Variants in PARG observed in about 807,000 individuals in gnomAD.
The protein encoded by PARG is mitochondrial poly(ADP-ribose) glycohydrolase.
Under a neutral mutation model 113.0 loss-of-function variants are expected in PARG, and 35 were observed. That is an observed-to-expected ratio of 0.31 (90% CI 0.24 to 0.41). The LOEUF (loss-of-function observed/expected upper bound fraction) is 0.41, where lower values mean the gene tolerates loss of function less well. PARG is among the 10% of genes least tolerant of loss of function. The probability of loss-of-function intolerance (pLI) is 1.00; values close to 1 mark genes in which losing one functional copy is unlikely to be tolerated. For missense variants in PARG, 797 were observed against 1,169.4 expected, an observed-to-expected ratio of 0.68 and a Z score of 4.64; for synonymous variants, 330 against 409.9, an observed-to-expected ratio of 0.81 and a Z score of 2.36.
chr10:49,827,688 C>T (rs1554829607), intron 16 of PARG, among the ~76,000 whole-genome samples: 1 of 152,126 alleles, frequency 6.6e-6, no homozygotes, highest in East Asian at 1.9e-4. Flanking sequence ...GAAGAAGGAA[C>T]ATTAAAGTAG....
rs1330389363 is a variant in PARG at position 49,941,944 on chromosome 10, TGC to T, written c.-221_-220del. ...TCCACTGGCACCCCACCTGCCTCAA[TGC>T]GCCGCTTTGATTCGGGATTCGTTCA... On this transcript the variant is annotated 5_prime_UTR_variant, in exon 1 of 18. Coordinates refer to ENST00000616448, the MANE Select transcript of PARG (RefSeq NM_003631.5). 1.3e-5 allele frequency: 12 copies of T among 947,248 alleles called. No individual in the cohort carries two copies. In the African/African-American group the frequency reaches 1.9e-4, roughly 15 times the overall value. The allele number at this position is 947,248 out of a possible 1,614,324, so 58.7% of individuals were successfully genotyped here.
At chr10:49,910,874 A>G (rs1265251128) in intron 7 of PARG, among the ~76,000 whole-genome samples, 1 of 152,210 alleles carries the variant, frequency 6.6e-6, no homozygotes, top group Non-Finnish European at 1.5e-5. Flanking sequence ...GCAGAAACAG[A>G]AGAAACCCCC....
chr10:49,845,788 C>T (rs2664648), intron 13 of PARG, among the ~76,000 whole-genome samples: 22,162 of 140,966 alleles, frequency 0.16, 2,305 homozygotes, highest in Non-Finnish European at 0.23. Context: ...TCCCAGCTAC[C>T]TGGGAGGCAG....
chr10:49,838,995 T>C (rs927816145), intron 15 of PARG, among the ~76,000 whole-genome samples: 3 of 152,320 alleles, frequency 2.0e-5, no homozygotes, highest in Non-Finnish European at 2.9e-5. Flanking sequence ...AATGTACTTA[T>C]GTAACTTCTA....
chr10:49,880,125 AC>A (rs1357098646), intron 8 of PARG, among the ~76,000 whole-genome samples: 2 of 152,170 alleles, frequency 1.3e-5, no homozygotes, highest in Non-Finnish European at 2.9e-5. Flanking sequence ...AAATAAAAAC[AC>A]ATTGCCCATG....
At chr10:49,899,008 C>T (rs1236324308) in intron 7 of PARG, among the ~76,000 whole-genome samples, 23 of 152,214 alleles carry the variant, frequency 1.5e-4, no homozygotes, top group African/African-American at 5.5e-4. Context: ...ATTCCTACAA[C>T]AGTGGTGTTC....
At chr10:49,846,645 T>C (rs1467391971) in intron 13 of PARG, among the ~76,000 whole-genome samples, 1 of 152,168 alleles carries the variant, frequency 6.6e-6, no homozygotes, top group Non-Finnish European at 1.5e-5. Flanking sequence ...TTCTTCATTG[T>C]TGGGGAAGAG....
Position 49,842,060 on chromosome 10 carries a change from TG to T in PARG, c.2433-3del. ...GTGCAGCGCCGCTGCCAGTCGTCCC[TG>T]GGACAGGAAGGAAAGGGGAGAAAAG... On this transcript the variant is annotated splice_region_variant and splice_polypyrimidine_tract_variant and intron_variant, in intron 14 of 17. Coordinates refer to ENST00000616448, the MANE Select transcript of PARG (RefSeq NM_003631.5). 2 of 1,544,842 alleles carry T rather than the reference TG, an allele frequency of 1.3e-6. No homozygotes were observed. The highest frequency in any genetic ancestry group is 1.8e-6 in the Non-Finnish European group (2 of 1,142,374).
intron 16 of PARG, among the ~76,000 whole-genome samples, chr10:49,825,954 ATTGT>A (rs1844337433): frequency 6.6e-6 from 1 of 152,116 alleles, no homozygotes; most frequent in Non-Finnish European, 1.5e-5. Flanking sequence ...TTTGGATTTC[ATTGT>A]TTTTTTGGTA....
intron 7 of PARG, among the ~76,000 whole-genome samples, chr10:49,903,270 C>T (rs1398432923): frequency 1.3e-5 from 2 of 151,912 alleles, no homozygotes; most frequent in Non-Finnish European, 2.9e-5. Context: ...AGAGCAAAGC[C>T]CTGTCTCTGG....
At chr10:49,869,856 G>T (rs1292262804) in intron 9 of PARG, among the ~76,000 whole-genome samples, 2 of 151,632 alleles carry the variant, frequency 1.3e-5, no homozygotes, top group Non-Finnish European at 2.9e-5. Flanking sequence ...GTCAACTGGG[G>T]TCAGTCAGTC....
chr10:49,932,577 G>A (rs1324526397), intron 3 of PARG, among the ~76,000 whole-genome samples: 4 of 152,066 alleles, frequency 2.6e-5, no homozygotes, highest in Non-Finnish European at 5.9e-5. Context: ...TCAATGAAGT[G>A]AACTCACTAT....
chr10:49,884,471 C>T (rs1161083283), intron 8 of PARG, among the ~76,000 whole-genome samples: 3 of 152,240 alleles, frequency 2.0e-5, no homozygotes, highest in Middle Eastern at 3.4e-3. Flanking sequence ...TGGTGGCGCA[C>T]GCCTGTAATC....
At chr10:49,868,538 T>C (rs2664617) in intron 10 of PARG, among the ~76,000 whole-genome samples, 1 of 152,150 alleles carries the variant, frequency 6.6e-6, no homozygotes, top group East Asian at 1.9e-4. Flanking sequence ...AGATGCCAAG[T>C]ACACTGTAAT....
intron 7 of PARG, among the ~76,000 whole-genome samples, chr10:49,886,536 T>G (rs1847495591): frequency 6.6e-6 from 1 of 151,888 alleles, no homozygotes; most frequent in Admixed American, 6.6e-5. Flanking sequence ...ATTCAGAGAG[T>G]TGGAAATTCA....
At position 49,894,248 on chromosome 10, in the gene PARG, C is replaced by T. The variant is rs1394620787; in HGVS notation, c.1738-8953G>A. Among the ~76,000 whole-genome samples, 3 of 148,268 alleles carry T rather than the reference C, an allele frequency of 2.0e-5. No homozygotes were observed. In the Admixed American group the frequency reaches 2.0e-4, roughly 10 times the overall value. ...GTAGAGACAAGGTCTCCCTATGTTG[C>T]CCAGGTTGGCCTTGAACTCTTGTAC... On this transcript the variant is annotated intron_variant, in intron 7 of 17. Coordinates refer to ENST00000616448, the MANE Select transcript of PARG (RefSeq NM_003631.5).
At chr10:49,873,436 C>T (rs1846794129) in intron 9 of PARG, among the ~76,000 whole-genome samples, 1 of 150,698 alleles carries the variant, frequency 6.6e-6, no homozygotes, top group Non-Finnish European at 1.5e-5. Context: ...TTGGCATTTC[C>T]GGAGCACTCA....
chr10:49,918,123 A>G (rs1387391717), intron 6 of PARG, among the ~76,000 whole-genome samples: 1 of 152,212 alleles, frequency 6.6e-6, no homozygotes, highest in Non-Finnish European at 1.5e-5. Flanking sequence ...AGAGCAGAAA[A>G]TGGAATGGAC....
Position 49,921,476 on chromosome 10 carries a change from G to T in PARG, c.1662+860C>A, listed in dbSNP as rs1419312179. ...GAAGATTGAGAAACACTGTCCCCAA[G>T]GAATAAAGCCTTCAAAATACATTAT... is the stretch of plus-strand genomic sequence containing the variant. On this transcript the variant is annotated intron_variant, in intron 6 of 17. Coordinates refer to ENST00000616448, the MANE Select transcript of PARG (RefSeq NM_003631.5). Among the ~76,000 whole-genome samples, 3 of 151,532 alleles carry T rather than the reference G, an allele frequency of 2.0e-5. No individual in the cohort carries two copies. In the East Asian group the frequency reaches 5.8e-4, roughly 29 times the overall value.
Sources: allele counts gnomAD v4.1 joint callset (sites outside exome capture counted in the v4.1 genomes callset), GRCh38; gene constraint gnomAD v4.1.1; transcripts MANE v1.5; gene names NCBI Gene and HGNC (gene_info 2026-07-23, HGNC 2026-07-21).